LOXL4: variants seen among roughly 807,000 people sequenced by gnomAD.
LOXL4 encodes lysyl oxidase homolog 4.
LOXL4 carries 72 observed loss-of-function variants against 89.1 expected under a neutral mutation model. That is an observed-to-expected ratio of 0.81 (90% confidence interval 0.67 to 0.98). The LOEUF (loss-of-function observed/expected upper bound fraction) is 0.98, where lower values mean the gene tolerates loss of function less well. LOXL4 is among the 50% of genes least tolerant of loss of function. LOXL4 has a pLI of 0.00. For missense variants in LOXL4, 984 were observed against 1,017.5 expected (o/e 0.97, Z 0.45); for synonymous variants, 355 against 392.1 (o/e 0.91, Z 1.12).
At position 98,248,747 on chromosome 10, in the gene LOXL4, G is replaced by A. The variant is rs954938291; in HGVS notation, c.*174C>T. On this transcript the variant is annotated 3_prime_UTR_variant, in exon 15 of 15. Coordinates refer to ENST00000260702, the MANE Select transcript of LOXL4 (RefSeq NM_032211.7). ...GGGGCAGGCCCAGAGCCATCCTGAG[G>A]GAGCAATACCATCTGGATTGGTGAT... 1.6e-6 allele frequency: 1 copy of A among 616,708 alleles called. No individual in the cohort carries two copies. The highest frequency in any genetic ancestry group is 1.9e-5 in the African/African-American group (1 of 53,936). The allele number at this position is 616,708 out of a possible 1,614,324, so 38.2% of individuals were successfully genotyped here. A position where few individuals can be genotyped will look rare whatever the true frequency, so the allele number is the denominator to read the frequency against.
At chr10:98,251,444 T>C in intron 13 of LOXL4, 122 bp downstream of exon 13, 1 of 1,382,180 alleles carries the variant, frequency 7.2e-7, no homozygotes, top group Non-Finnish European at 9.9e-7. Flanking sequence ...GGACAGCTCC[T>C]TTAAGTGACA....
At position 98,259,135 on chromosome 10, in the gene LOXL4, C is replaced by T; in HGVS notation, c.795G>A (p.Val265=). 6.2e-7 allele frequency: 1 copy of T among 1,611,220 alleles called. No homozygotes were observed. The highest frequency in any genetic ancestry group is 8.5e-7 in the Non-Finnish European group (1 of 1,179,402). Residue 265 remains valine (V), a synonymous_variant, in exon 6 of 15, where the codon GTG becomes GTA. Transcript: ENST00000260702. The part of the protein sequence containing the change: ...EPHMANCQVQ[V]APARGKLRPA... ...GCCGCAGCTTGCCCCGGGCTGGAGC[C>T]ACCTGCACCTGGCAGTTGGCCATGT...
At chr10:98,251,803 A>C in intron 12 of LOXL4, 101 bp from the exon 13 acceptor site, 1 of 1,395,668 alleles carries the variant, frequency 7.2e-7, no homozygotes, top group Non-Finnish European at 9.7e-7. Context: ...CAGTTCACAG[A>C]TTAAGGACCG....
At position 98,260,941 on chromosome 10, in the gene LOXL4, C is replaced by T; in HGVS notation, c.643G>A (p.Val215Ile). Reference sequence around the variant, plus strand: ...TCCTACCTGTAGTAGTGGCTGTCGACAGGCACCTCGCTGGGGAAGCCCAGC... The same window carrying T: ...TCCTACCTGTAGTAGTGGCTGTCGATAGGCACCTCGCTGGGGAAGCCCAGC... The part of the protein sequence containing the change: ...GMLGFPSEVP[V>I]DSHYYRKVWD... The change falls in exon 4 of 15, where the codon GTC becomes ATC. Residue 215 changes from valine (V) to isoleucine (I), a missense_variant. Transcript: ENST00000260702. 6.2e-7 allele frequency: 1 copy of T among 1,612,148 alleles called. No individual in the cohort carries two copies. The highest frequency in any genetic ancestry group is 8.5e-7 in the Non-Finnish European group (1 of 1,179,500).
intron 11 of LOXL4, 23 bp from the exon 12 acceptor site, chr10:98,252,491 A>G: frequency 6.5e-7 from 1 of 1,542,062 alleles, no homozygotes; most frequent in South Asian, 1.1e-5. Flanking sequence ...TAGAGCTGTC[A>G]GTGCGGCAGC....
At chr10:98,257,861 T>C in intron 7 of LOXL4, 57 bp from the exon 8 acceptor site, 2 of 1,583,510 alleles carry the variant, frequency 1.3e-6, no homozygotes, top group South Asian at 1.2e-5. Context: ...CCCACACTTG[T>C]GGCTTCCCCT....
Position 98,252,348 on chromosome 10 carries a change from C to A in LOXL4, c.1951+5G>T. 6.2e-7 allele frequency: 1 copy of A among 1,603,818 alleles called. No individual in the cohort carries two copies. The highest frequency in any genetic ancestry group is 8.5e-7 in the Non-Finnish European group (1 of 1,170,710). ...GCTGATAGGTGCTGACAGGAAACCA[C>A]ATACCTGTGGGGCAGTTTGTGTCCT... On this transcript the variant is annotated splice_donor_5th_base_variant and intron_variant, in intron 12 of 14. Transcript: ENST00000260702.
intron 4 of LOXL4, 103 bp downstream of exon 4, chr10:98,260,819 A>C (rs943417130): frequency 8.1e-7 from 1 of 1,241,220 alleles, no homozygotes; most frequent in Non-Finnish European, 1.1e-6. Context: ...CCACACTCAG[A>C]CTCATGCACA....
intron 10 of LOXL4, among the ~76,000 whole-genome samples, chr10:98,254,542 T>G (rs1858300096): frequency 6.6e-6 from 1 of 152,094 alleles, no homozygotes. Context: ...GAAGGCGAGC[T>G]TTCAGAGAGA....
chr10:98,249,802 T>A (rs1858135822), intron 14 of LOXL4, among the ~76,000 whole-genome samples: 1 of 152,178 alleles, frequency 6.6e-6, no homozygotes. Flanking sequence ...TGGATTCCAG[T>A]TCCTGGTTCC....
rs1858526742 is a variant in LOXL4, at chr10:98,261,104, C to T, written c.480G>A (p.Arg160=). 6.2e-7 allele frequency: 1 copy of T among 1,612,980 alleles called. No individual in the cohort carries two copies. Among genetic ancestry groups the T allele is most frequent in the Non-Finnish European group, 8.5e-7 (1 of 1,180,028 alleles). ...GPQGRRLEEV[R]LKPILASAKQ... Reference sequence around the variant, plus strand: ...TGGCACTGGCAAGGATGGGCTTGAGCCGCACCTCCTCCAGCCGCCGGCCCT... The same window carrying T: ...TGGCACTGGCAAGGATGGGCTTGAGTCGCACCTCCTCCAGCCGCCGGCCCT... The change falls in exon 4 of 15, where the codon CGG becomes CGA. Residue 160 remains arginine (R), a synonymous_variant. Coordinates refer to ENST00000260702, the MANE Select transcript of LOXL4 (RefSeq NM_032211.7).
At chr10:98,251,505 G>A in intron 13 of LOXL4, 61 bp downstream of exon 13, 1 of 1,593,542 alleles carries the variant, frequency 6.3e-7, no homozygotes, top group East Asian at 2.2e-5. Context: ...TTGCCCTCAG[G>A]GAAAGTTGTG....
At chr10:98,258,298 G>A (rs1858441380) in intron 6 of LOXL4, 134 bp from the exon 7 acceptor site, 1 of 862,378 alleles carries the variant, frequency 1.2e-6, no homozygotes, top group African/African-American at 1.7e-5. Context: ...GGGAGTTCCA[G>A]TCCTGCTTCT....
rs1481247952 is a variant in LOXL4 at position 98,253,571 on chromosome 10, A to G, written c.1817T>C (p.Val606Ala). The G allele has an allele frequency of 6.2e-7, 1 of 1,614,252 alleles. No individual in the cohort carries two copies. Among genetic ancestry groups the G allele is most frequent in the Non-Finnish European group, 8.5e-7 (1 of 1,180,050 alleles). ...FRPKTGRDSW[V>A]WHQCHRHYHS... is the part of the protein sequence containing the mutation. The stretch of plus-strand genomic sequence containing the variant: ...CTCTAACCTGTGGCACTGGTGCCAA[A>G]CCCAGCTATCGCGTCCAGTCTTTGG... The change falls in exon 11 of 15, where the codon GTT (valine) becomes GCT (alanine). Residue 606 changes from valine (V) to alanine (A), a missense_variant. Physicochemically the swap from Val to Ala is moderately conservative, Grantham distance 64. Transcript: ENST00000260702.
intron 3 of LOXL4, among the ~76,000 whole-genome samples, chr10:98,261,607 A>G (rs1472186090): frequency 1.3e-5 from 2 of 152,204 alleles, no homozygotes; most frequent in Non-Finnish European, 2.9e-5. Context: ...AACACGCTGC[A>G]TTCAGTGGCC....
intron 12 of LOXL4, 174 bp from the exon 13 acceptor site, chr10:98,251,876 A>G (rs1467622452): frequency 1.4e-6 from 1 of 737,420 alleles, no homozygotes; most frequent in East Asian, 2.8e-5. Context: ...CAAAGATAGG[A>G]TTTGTTTGAC....
intron 1 of LOXL4, among the ~76,000 whole-genome samples, chr10:98,264,369 G>A (rs1273207802): frequency 6.7e-6 from 1 of 148,420 alleles, no homozygotes. Context: ...GAGGGAAAGA[G>A]GTGAGTTTGT....
intron 14 of LOXL4, among the ~76,000 whole-genome samples, chr10:98,249,266 T>A (rs1044943395): frequency 3.9e-5 from 6 of 152,206 alleles, no homozygotes; most frequent in African/African-American, 1.4e-4. Context: ...CTCTGTGCCC[T>A]AGGAAGCTGA....
intron 4 of LOXL4, among the ~76,000 whole-genome samples, chr10:98,260,685 T>A (rs142027927): frequency 6.6e-6 from 1 of 152,224 alleles, no homozygotes; most frequent in Admixed American, 6.5e-5. Context: ...TCCCAACACC[T>A]GCTGGATGTC....
Sources: allele counts gnomAD v4.1 joint callset (sites outside exome capture counted in the v4.1 genomes callset), GRCh38; gene constraint gnomAD v4.1.1; transcripts MANE v1.5; gene names NCBI Gene and HGNC (gene_info 2026-07-23, HGNC 2026-07-21).